The following SDCCAG8 variants were observed in gnomAD, a reference collection of about 807,000 sequenced individuals.
The protein encoded by SDCCAG8 is SHH signaling and ciliogenesis regulator SDCCAG8.
In SDCCAG8, 74 loss-of-function variants were observed where a neutral mutation model predicts 101.8. The ratio of observed to expected loss-of-function variants is 0.73; its 90% CI spans 0.60 to 0.88. SDCCAG8 has a LOEUF of 0.88. Ranked by LOEUF, SDCCAG8 falls within the 40% of genes least tolerant of loss-of-function variation. The pLI, the probability that SDCCAG8 is intolerant of heterozygous loss-of-function variation, is 0.00. For missense variants in SDCCAG8, 787 were observed against 822.6 expected (o/e 0.96, Z 0.53); for synonymous variants, 281 against 292.9 (o/e 0.96, Z 0.41).
chr1:243,497,547 G>A (rs368543021), intron 17 of SDCCAG8, among the ~76,000 whole-genome samples: 1 of 152,078 alleles, frequency 6.6e-6, no homozygotes, highest in African/African-American at 2.4e-5. Flanking sequence ...ACGGAATCAG[G>A]AGGTCACCCG....
chr1:243,489,191 G>A (rs1258674028), intron 17 of SDCCAG8, 51 bp downstream of exon 17: 1 of 1,600,600 alleles, frequency 6.2e-7, no homozygotes, highest in Non-Finnish European at 8.5e-7. Context: ...GGCGTCTACA[G>A]GTGGATCTTT....
chr1:243,485,653 C>T (rs551201752), intron 16 of SDCCAG8, among the ~76,000 whole-genome samples: 2 of 152,236 alleles, frequency 1.3e-5, no homozygotes, highest in Admixed American at 1.3e-4. Context: ...TGCCTGTAAT[C>T]CCAGCACTTT....
At chr1:243,461,538 A>C (rs1659101887) in intron 16 of SDCCAG8, among the ~76,000 whole-genome samples, 1 of 152,192 alleles carries the variant, frequency 6.6e-6, no homozygotes, top group Non-Finnish European at 1.5e-5. Context: ...AGGCTTCAGA[A>C]GTCCATTTTC....
At chr1:243,438,064 A>C (rs982353806) in intron 16 of SDCCAG8, among the ~76,000 whole-genome samples, 1 of 152,124 alleles carries the variant, frequency 6.6e-6, no homozygotes, top group African/African-American at 2.4e-5. Flanking sequence ...CTTCATATGA[A>C]AAAATAGTCT....
intron 16 of SDCCAG8, among the ~76,000 whole-genome samples, chr1:243,437,600 C>G (rs754396823): frequency 2.0e-5 from 3 of 150,292 alleles, no homozygotes; most frequent in Non-Finnish European, 4.4e-5. Flanking sequence ...GCAGTGGTGC[C>G]ATCTCGGCTG....
chr1:243,354,042 G>A (rs989990000), intron 12 of SDCCAG8, among the ~76,000 whole-genome samples: 2 of 152,158 alleles, frequency 1.3e-5, no homozygotes, highest in African/African-American at 4.8e-5. Flanking sequence ...ATCATACAGG[G>A]TACTACTTTA....
intron 16 of SDCCAG8, among the ~76,000 whole-genome samples, chr1:243,436,379 A>C (rs1387872595): frequency 6.6e-6 from 1 of 152,076 alleles, no homozygotes; most frequent in Non-Finnish European, 1.5e-5. Flanking sequence ...TTTACAGTTA[A>C]ATCTGTGATC....
At chr1:243,335,669 A>G (rs571270952) in intron 10 of SDCCAG8, among the ~76,000 whole-genome samples, 1 of 152,064 alleles carries the variant, frequency 6.6e-6, no homozygotes, top group Non-Finnish European at 1.5e-5. Flanking sequence ...AAGGGAGTAC[A>G]TGTGCAGGTT....
chr1:243,298,125 TGCAACC>T (rs2149305001), intron 6 of SDCCAG8, among the ~76,000 whole-genome samples: 1 of 151,538 alleles, frequency 6.6e-6, no homozygotes, highest in East Asian at 1.9e-4. Flanking sequence ...CTCAGCTCAC[TGCAACC>T]TCCACCTCCC....
rs568265242 is a variant in SDCCAG8 at position 243,498,472 on chromosome 1, G to A, written c.2113-1284G>A. Among the ~76,000 whole-genome samples, 17 of 152,280 alleles carry A rather than the reference G, an allele frequency of 1.1e-4. 1 individual carries two copies. In the South Asian group the frequency reaches 3.5e-3, roughly 32 times the overall value. On this transcript the variant is annotated intron_variant, in intron 17 of 17. Coordinates refer to ENST00000366541, the MANE Select transcript of SDCCAG8 (RefSeq NM_006642.5). The stretch of plus-strand genomic sequence containing the variant: ...TTTACGAGGAGGAGTGAGGCCTCCT[G>A]CCGGAGCCCCACCTGCATTCAGCCT...
intron 12 of SDCCAG8, among the ~76,000 whole-genome samples, chr1:243,345,882 A>G (rs1197462550): frequency 1.3e-5 from 2 of 152,212 alleles, no homozygotes; most frequent in Non-Finnish European, 2.9e-5. Flanking sequence ...AGCAGTTTTC[A>G]TTTGTAAACG....
At chr1:243,379,761 T>G (rs1161482907) in intron 13 of SDCCAG8, among the ~76,000 whole-genome samples, 1 of 152,242 alleles carries the variant, frequency 6.6e-6, no homozygotes, top group African/African-American at 2.4e-5. Context: ...GTTCATGATA[T>G]TTGGTTTGGT....
In SDCCAG8 at chr1:243,451,130, G is replaced by A. The variant is rs139687871; in HGVS notation, c.1985+24572G>A. ...ATAGATCTATAGATGGATATGTACT[G>A]CAAATGTCACATCTTCTTCATACTC... On this transcript the variant is annotated intron_variant, in intron 16 of 17. Coordinates refer to ENST00000366541, the MANE Select transcript of SDCCAG8 (RefSeq NM_006642.5). Among the ~76,000 whole-genome samples the A allele has an allele frequency of 1.0e-3, 156 of 152,346 alleles. 2 individuals are homozygous for A. The highest frequency in any genetic ancestry group is 1.8e-3 in the Non-Finnish European group (125 of 68,032).
At chr1:243,289,443 T>C (rs1364714518) in intron 5 of SDCCAG8, among the ~76,000 whole-genome samples, 1 of 152,230 alleles carries the variant, frequency 6.6e-6, no homozygotes, top group Non-Finnish European at 1.5e-5. Context: ...GATCAATCCT[T>C]TGCATCCTTC....
intron 15 of SDCCAG8, among the ~76,000 whole-genome samples, chr1:243,420,481 A>G (rs555913032): frequency 1.6e-4 from 24 of 152,214 alleles, no homozygotes; most frequent in Non-Finnish European, 3.1e-4. Flanking sequence ...TCCGACGGAC[A>G]TAAGTCTATG....
At chr1:243,374,565 C>T (rs1182705202) in intron 12 of SDCCAG8, among the ~76,000 whole-genome samples, 1 of 152,030 alleles carries the variant, frequency 6.6e-6, no homozygotes, top group Non-Finnish European at 1.5e-5. Context: ...TGAATGAAAA[C>T]TAATTTCAAA....
intron 15 of SDCCAG8, among the ~76,000 whole-genome samples, chr1:243,425,914 C>T (rs1002441487): frequency 2.0e-5 from 3 of 152,202 alleles, no homozygotes. Context: ...AAAGCACCCT[C>T]ACAGAAATGT....
chr1:243,452,807 T>C (rs1344043812), intron 16 of SDCCAG8, among the ~76,000 whole-genome samples: 7 of 152,330 alleles, frequency 4.6e-5, no homozygotes, highest in East Asian at 3.9e-4. Flanking sequence ...TGTTTACTTA[T>C]TTCTTTTCTG....
intron 16 of SDCCAG8, among the ~76,000 whole-genome samples, chr1:243,437,292 C>T (rs1020105634): frequency 6.6e-6 from 1 of 152,114 alleles, no homozygotes; most frequent in Non-Finnish European, 1.5e-5. Context: ...TATTTATTAA[C>T]ATGCATTCAG....
Sources: gnomAD v4.1 joint callset for allele counts (sites outside exome capture counted in the v4.1 genomes callset) on GRCh38, gnomAD v4.1.1 for gene constraint, MANE v1.5 for transcripts, NCBI Gene and HGNC (gene_info 2026-07-23, HGNC 2026-07-21) for gene names.